The following AK5 variants were observed in gnomAD, a reference collection of about 807,000 sequenced individuals.
The protein encoded by AK5 is adenylate kinase isoenzyme 5.
Under a neutral mutation model 69.5 loss-of-function variants are expected in AK5, and 27 were observed. The ratio of observed to expected loss-of-function variants is 0.39; its 90% CI spans 0.29 to 0.54. AK5 has a LOEUF of 0.54. Ranked by LOEUF, AK5 falls within the 20% of genes least tolerant of loss-of-function variation. The pLI is 0.71. For missense variants in AK5, 531 were observed against 700.4 expected (o/e 0.76, Z 2.73); for synonymous variants, 260 against 244.4 (o/e 1.06, Z -0.60).
intron 5 of AK5, among the ~76,000 whole-genome samples, chr1:77,324,689 T>A (rs1660703643): frequency 7.6e-6 from 1 of 131,910 alleles, no homozygotes; most frequent in Admixed American, 7.9e-5. Flanking sequence ...ATTTATTAGA[T>A]CTTTATAGGG....
At chr1:77,408,094 T>A (rs112307067) in intron 6 of AK5, among the ~76,000 whole-genome samples, 13,601 of 152,228 alleles carry the variant, frequency 0.089, 823 homozygotes, top group African/African-American at 0.16. Flanking sequence ...AATGAACATA[T>A]GAGTGCATTT....
intron 10 of AK5, among the ~76,000 whole-genome samples, chr1:77,499,074 TAGG>T (rs1195135099): frequency 6.6e-6 from 1 of 152,208 alleles, no homozygotes; most frequent in Non-Finnish European, 1.5e-5. Flanking sequence ...CATTTTACCA[TAGG>T]AGATCATTTT....
chr1:77,502,189 A>G (rs1027692908), intron 10 of AK5, among the ~76,000 whole-genome samples: 7 of 152,226 alleles, frequency 4.6e-5, no homozygotes, highest in African/African-American at 1.7e-4. Flanking sequence ...TTTTAGGTAC[A>G]AGCAGTCATA....
chr1:77,472,742 A>T (rs142660739), intron 8 of AK5, among the ~76,000 whole-genome samples: 337 of 96,788 alleles, frequency 3.5e-3, no homozygotes, highest in Non-Finnish European at 6.0e-3. Context: ...TTTTTAAAAA[A>T]GACTGGGCGT....
intron 13 of AK5, among the ~76,000 whole-genome samples, chr1:77,547,518 C>T (rs956089991): frequency 4.6e-5 from 7 of 151,928 alleles, no homozygotes; most frequent in African/African-American, 9.7e-5. Flanking sequence ...TTGATCTGCC[C>T]GCCTCGGCCT....
At chr1:77,529,478 C>T (rs1306321617) in intron 12 of AK5, among the ~76,000 whole-genome samples, 2 of 152,080 alleles carry the variant, frequency 1.3e-5, no homozygotes, top group East Asian at 1.9e-4. Context: ...GTGCCCACCA[C>T]CACGTCCAGC....
At chr1:77,334,267 AGTGTCATT>A (rs1300812258) in intron 5 of AK5, among the ~76,000 whole-genome samples, 1 of 152,212 alleles carries the variant, frequency 6.6e-6, no homozygotes, top group African/African-American at 2.4e-5. Context: ...TTAAAAAAAT[AGTGTCATT>A]GTTTTCTGAC....
chr1:77,393,172 C>CT (rs1648600899), intron 6 of AK5, among the ~76,000 whole-genome samples: 1 of 152,038 alleles, frequency 6.6e-6, no homozygotes, highest in Non-Finnish European at 1.5e-5. Flanking sequence ...CTAGTAAAAT[C>CT]TTTTAAAACT....
intron 6 of AK5, among the ~76,000 whole-genome samples, chr1:77,352,356 G>A (rs1662255850): frequency 6.6e-6 from 1 of 152,188 alleles, no homozygotes. Context: ...TTCCAACAGT[G>A]TTTTAAAATT....
chr1:77,538,858 G>GA (rs1659126117), intron 13 of AK5, among the ~76,000 whole-genome samples: 1 of 152,108 alleles, frequency 6.6e-6, no homozygotes, highest in Non-Finnish European at 1.5e-5. Context: ...AGACAAATCT[G>GA]ATTTCTGGAA....
At position 77,535,942 on chromosome 1, in the gene AK5, C is replaced by A. The variant is rs146562729; in HGVS notation, c.1524C>A (p.Asp508Glu). The A allele has an allele frequency of 2.5e-6, 4 of 1,613,924 alleles. No homozygotes were observed. The Admixed American group carries it at 6.7e-5, about 27-fold the overall frequency. The change falls in exon 13 of 14, where the codon GAC becomes GAA. Residue 508 changes from aspartate to glutamate, a missense_variant. Asp to Glu is a conservative substitution (Grantham distance 45). Transcript: ENST00000354567. ...GGAGCCGGAGCAGCCTGCCTGTGGA[C>A]GACACCACCAAGACCATCGCCAAGC... The part of the protein sequence containing the change: ...LQRSRSSLPV[D>E]DTTKTIAKRL...
chr1:77,307,132 C>T (rs900713729), intron 5 of AK5, among the ~76,000 whole-genome samples: 1 of 151,634 alleles, frequency 6.6e-6, no homozygotes, highest in Non-Finnish European at 1.5e-5. Context: ...TTTTCTTCTA[C>T]TAATTTTTTT....
At chr1:77,487,782 G>A (rs931216155) in intron 10 of AK5, among the ~76,000 whole-genome samples, 1 of 152,204 alleles carries the variant, frequency 6.6e-6, no homozygotes, top group Non-Finnish European at 1.5e-5. Flanking sequence ...CCACTCAGTT[G>A]TGTTGGTTGT....
chr1:77,492,010 A>C (rs1249162103), intron 10 of AK5, among the ~76,000 whole-genome samples: 1 of 152,200 alleles, frequency 6.6e-6, no homozygotes, highest in Non-Finnish European at 1.5e-5. Flanking sequence ...CAGATTCTCA[A>C]GTCTGAAAAA....
At chr1:77,354,046 A>G (rs2100419243) in intron 6 of AK5, among the ~76,000 whole-genome samples, 2 of 152,292 alleles carry the variant, frequency 1.3e-5, no homozygotes, top group South Asian at 4.1e-4. Flanking sequence ...CATGCATTCA[A>G]GAAGAAATGA....
chr1:77,384,624 CAG>C (rs1445939942), intron 6 of AK5, among the ~76,000 whole-genome samples: 1 of 151,912 alleles, frequency 6.6e-6, no homozygotes, highest in Non-Finnish European at 1.5e-5. Flanking sequence ...AAAAGAAAAA[CAG>C]AAGAGAAAAT....
At chr1:77,547,882 T>G (rs1196073734) in intron 13 of AK5, among the ~76,000 whole-genome samples, 1 of 152,202 alleles carries the variant, frequency 6.6e-6, no homozygotes, top group Admixed American at 6.5e-5. Context: ...AAACCACGTG[T>G]GGCTAGGGGC....
At chr1:77,504,439 A>T (rs974099190) in intron 10 of AK5, among the ~76,000 whole-genome samples, 1 of 72,442 alleles carries the variant, frequency 1.4e-5, no homozygotes, top group South Asian at 4.6e-4. Flanking sequence ...GTGTATATAT[A>T]TATTTTTTTT....
chr1:77,334,976 T>A (rs1661274296), intron 5 of AK5, among the ~76,000 whole-genome samples: 1 of 152,236 alleles, frequency 6.6e-6, no homozygotes, highest in African/African-American at 2.4e-5. Flanking sequence ...TTTCCTTTTT[T>A]TAGAAAGTTT....
Sources: allele counts gnomAD v4.1 joint callset (sites outside exome capture counted in the v4.1 genomes callset), GRCh38; gene constraint gnomAD v4.1.1; transcripts MANE v1.5; gene names NCBI Gene and HGNC (gene_info 2026-07-23, HGNC 2026-07-21).